Variants in TRPM7 observed in about 807,000 individuals in gnomAD.
The protein encoded by TRPM7 is LTRPC ion channel family member 7.
A neutral mutation model predicts 229.7 loss-of-function variants in TRPM7; 134 were observed. The ratio of observed to expected loss-of-function variants is 0.58; its 90% CI spans 0.51 to 0.67. The LOEUF (loss-of-function observed/expected upper bound fraction) is 0.67, where lower values mean the gene tolerates loss of function less well. Among genes scored for constraint, TRPM7 ranks in the 30% least tolerant of loss-of-function variants. The pLI is 0.00. For synonymous variants in TRPM7, 699 were observed against 715.2 expected, an observed-to-expected ratio of 0.98 and a Z score of 0.36; for missense variants, 1,901 against 2,210.0, an observed-to-expected ratio of 0.86 and a Z score of 2.80.
chr15:50,565,876 T>A (rs1414821559), intron 38 of TRPM7, among the ~76,000 whole-genome samples: 1 of 151,582 alleles, frequency 6.6e-6, no homozygotes, highest in Non-Finnish European at 1.5e-5. Flanking sequence ...CAGGCCAGAG[T>A]GCAGTGGCGC....
At chr15:50,665,220 G>A (rs1474806505) in intron 1 of TRPM7, among the ~76,000 whole-genome samples, 2 of 151,874 alleles carry the variant, frequency 1.3e-5, no homozygotes, top group East Asian at 1.9e-4. Flanking sequence ...CCAACATGGT[G>A]AAACCCGTCT....
intron 21 of TRPM7, chr15:50,599,638 A>T (rs911370393): frequency 6.0e-6 from 1 of 166,332 alleles, no homozygotes; most frequent in African/African-American, 2.4e-5. Context: ...TTAGGGAATC[A>T]ATTTCCACAA....
At chr15:50,580,804 A>G in intron 30 of TRPM7, 70 bp downstream of exon 30, 1 of 1,402,546 alleles carries the variant, frequency 7.1e-7, no homozygotes, top group South Asian at 1.3e-5. Flanking sequence ...TGATGTAAAG[A>G]GCAGGAAAAA....
chr15:50,673,062 GTTAAT>G lies in TRPM7; in HGVS notation c.4-10021_4-10017del, dbSNP rs936893360. On this transcript the variant is annotated intron_variant, in intron 1 of 38. Transcript: ENST00000646667. ...AATTAAAAAGTTACAGTAAGCTAGC[GTTAAT>G]TTATTATTGAATAAAAAAATACTTT... is the stretch of plus-strand genomic sequence containing the variant. Among the ~76,000 whole-genome samples the G allele has an allele frequency of 2.9e-3, 425 of 144,892 alleles. 6 individuals are homozygous for G. The highest frequency in any genetic ancestry group is 0.023 in the Admixed American group (348 of 15,048).
At chr15:50,656,067 G>A (rs1287764366) in intron 3 of TRPM7, among the ~76,000 whole-genome samples, 5 of 151,238 alleles carry the variant, frequency 3.3e-5, no homozygotes, top group Non-Finnish European at 7.4e-5. Flanking sequence ...TATATCCAGT[G>A]AAAACATTCT....
intron 1 of TRPM7, among the ~76,000 whole-genome samples, chr15:50,680,488 G>C (rs1397600439): frequency 1.3e-5 from 2 of 151,674 alleles, no homozygotes; most frequent in African/African-American, 2.4e-5. Flanking sequence ...AGAATGGCTT[G>C]AACCCGGGAG....
At chr15:50,626,699 G>A (rs781659868) in intron 11 of TRPM7, among the ~76,000 whole-genome samples, 1 of 151,994 alleles carries the variant, frequency 6.6e-6, no homozygotes, top group Non-Finnish European at 1.5e-5. Context: ...CATCACCACA[G>A]ATGATTAACA....
rs1214705740 is a variant in TRPM7, at chr15:50,592,331, G to A, written c.3904C>T (p.Leu1302Phe). Residue 1302 changes from leucine (L) to phenylalanine (F), a missense_variant, in exon 26 of 39, where the codon CTT becomes TTT. By Grantham distance (22) the Leu-to-Phe change is conservative. This residue lies in a region of TRPM7 where 533 missense variants were observed against 497.1 expected (regional missense o/e 1.07). Coordinates refer to ENST00000646667, the MANE Select transcript of TRPM7 (RefSeq NM_017672.6). ...HGVVNTLSSS[L>F]PQGDLESNNP... The stretch of plus-strand genomic sequence containing the variant: ...TTACTTTCAAGATCACCTTGAGGAA[G>A]AGAGGAGCTAAGTGTATTTACAACA... 2 of 1,614,032 alleles carry A rather than the reference G, an allele frequency of 1.2e-6. No homozygotes were observed. Among genetic ancestry groups the A allele is most frequent in the Non-Finnish European group, 1.7e-6 (2 of 1,179,944 alleles).
intron 2 of TRPM7, among the ~76,000 whole-genome samples, chr15:50,660,887 TG>T (rs2061704283): frequency 6.6e-6 from 1 of 152,102 alleles, no homozygotes; most frequent in Non-Finnish European, 1.5e-5. Flanking sequence ...AAATTTTAAA[TG>T]GCTAAAAATC....
At chr15:50,595,438 T>C (rs1046836411) in intron 23 of TRPM7, among the ~76,000 whole-genome samples, 2 of 151,668 alleles carry the variant, frequency 1.3e-5, no homozygotes, top group African/African-American at 4.9e-5. Context: ...CAATACAACA[T>C]ACTAGATTGA....
In TRPM7 at chr15:50,618,309, G is replaced by A. The variant is rs78103680; in HGVS notation, c.1494+1436C>T. The stretch of plus-strand genomic sequence containing the variant: ...TTTTAAAAAAGTTAAAAATGCTCAC[G>A]CCTGTAATCCCAGCACTTTGGGAGG... On this transcript the variant is annotated intron_variant, in intron 13 of 38. Coordinates refer to ENST00000646667, the MANE Select transcript of TRPM7 (RefSeq NM_017672.6). 9.0e-3 allele frequency among the ~76,000 whole-genome samples: 1,367 copies of A among 152,056 alleles called. 58 individuals carry two copies. The East Asian group carries it at 0.12, about 13-fold the overall frequency.
intron 38 of TRPM7, among the ~76,000 whole-genome samples, chr15:50,566,694 CAAAAT>C (rs2053613970): frequency 6.6e-6 from 1 of 151,496 alleles, no homozygotes; most frequent in East Asian, 1.9e-4. Context: ...GACTCCATCT[CAAAAT>C]AAATAAATAA....
At chr15:50,685,881 G>A (rs1367547728) in intron 1 of TRPM7, among the ~76,000 whole-genome samples, 1 of 152,130 alleles carries the variant, frequency 6.6e-6, no homozygotes, top group Non-Finnish European at 1.5e-5. Context: ...ACAGTACATT[G>A]TCTTGGTCCC....
chr15:50,633,388 T>G (rs1192395901), intron 8 of TRPM7, among the ~76,000 whole-genome samples: 1 of 152,168 alleles, frequency 6.6e-6, no homozygotes, highest in African/African-American at 2.4e-5. Flanking sequence ...TCAAAAATAG[T>G]AGAAAACATA....
intron 11 of TRPM7, among the ~76,000 whole-genome samples, chr15:50,626,843 T>C (rs568810224): frequency 1.3e-5 from 2 of 152,198 alleles, no homozygotes; most frequent in South Asian, 4.2e-4. Flanking sequence ...AAAATAAAAC[T>C]TTCCTTCAGC....
At chr15:50,602,277 G>C (rs2059801932) in intron 21 of TRPM7, among the ~76,000 whole-genome samples, 1 of 152,058 alleles carries the variant, frequency 6.6e-6, no homozygotes, top group Non-Finnish European at 1.5e-5. Flanking sequence ...GCAAACTATT[G>C]CAAGGACAGA....
Position 50,591,891 on chromosome 15 carries a change from T to C in TRPM7, c.4324+20A>G. On this transcript the variant is annotated intron_variant, in intron 26 of 38. Coordinates refer to ENST00000646667, the MANE Select transcript of TRPM7 (RefSeq NM_017672.6). ...AAAGTAAATAATATTGATATACAAA[T>C]ACGAATTTGCCAAACTTACCTACAA... 6.7e-7 allele frequency: 1 copy of C among 1,493,150 alleles called. No individual in the cohort carries two copies. Among genetic ancestry groups the C allele is most frequent in the South Asian group, 1.4e-5 (1 of 71,942 alleles). The allele number at this position is 1,493,150 out of a possible 1,614,324, so 92.5% of individuals were successfully genotyped here.
At chr15:50,638,661 T>C (rs2060994752) in intron 6 of TRPM7, among the ~76,000 whole-genome samples, 2 of 149,988 alleles carry the variant, frequency 1.3e-5, no homozygotes, top group Admixed American at 1.3e-4. Flanking sequence ...AAGTGATCAT[T>C]ATAATTCAGT....
At chr15:50,576,260 T>C (rs893828348) in intron 31 of TRPM7, among the ~76,000 whole-genome samples, 2 of 152,150 alleles carry the variant, frequency 1.3e-5, no homozygotes, top group African/African-American at 4.8e-5. Context: ...TGTAGCCATG[T>C]AAATATTTTA....
Sources: gnomAD v4.1 joint callset for allele counts (sites outside exome capture counted in the v4.1 genomes callset) on GRCh38, gnomAD v4.1.1 for gene constraint, gnomAD v4.1.1 regional missense constraint, MANE v1.5 for transcripts, NCBI Gene and HGNC (gene_info 2026-07-23, HGNC 2026-07-21) for gene names.